Variants in PCYT1B observed in about 807,000 individuals in gnomAD.
PCYT1B encodes the protein phosphate cytidylyltransferase 1B, choline, also known as choline-phosphate cytidylyltransferase B.
A neutral mutation model predicts 26.4 loss-of-function variants in PCYT1B; 10 were observed. That is an observed-to-expected ratio of 0.38 (90% CI 0.23 to 0.64). The LOEUF (loss-of-function observed/expected upper bound fraction) is 0.64. PCYT1B is among the 30% of genes least tolerant of loss of function. The pLI, the probability that PCYT1B is intolerant of heterozygous loss-of-function variation, is 0.56. For synonymous variants in PCYT1B, 131 were observed against 108.4 expected, an observed-to-expected ratio of 1.21 and a Z score of -1.29; for missense variants, 161 against 292.7, an observed-to-expected ratio of 0.55 and a Z score of 3.28.
At chrX:24,666,085 G>T (rs759648255) in intron 1 of PCYT1B, among the ~76,000 whole-genome samples, 1 of 111,018 alleles carries the variant, frequency 9.0e-6, no homozygotes, top group African/African-American at 3.3e-5. Flanking sequence ...CAATTTAGAC[G>T]CTAGGGTCAA....
chrX:24,599,662 T>C (rs1302709310), intron 3 of PCYT1B, among the ~76,000 whole-genome samples: 1 of 111,847 alleles, frequency 8.9e-6, no homozygotes, highest in East Asian at 2.8e-4. Flanking sequence ...AGAAGTATGA[T>C]ACAGTGATCA....
At chrX:24,588,877 A>G (rs1264221002) in intron 4 of PCYT1B, among the ~76,000 whole-genome samples, 1 of 111,402 alleles carries the variant, frequency 9.0e-6, no homozygotes, top group African/African-American at 3.3e-5. Flanking sequence ...ATTAGTACGG[A>G]GTATATCCTC....
chrX:24,654,698 C>T (rs1409664745), intron 1 of PCYT1B, among the ~76,000 whole-genome samples: 1 of 88,515 alleles, frequency 1.1e-5, no homozygotes, highest in Non-Finnish European at 2.1e-5. Context: ...TGCAGTGAGC[C>T]GAGATTGCGC....
chrX:24,568,778 T>C (rs921697984), intron 7 of PCYT1B, among the ~76,000 whole-genome samples: 1 of 111,162 alleles, frequency 9.0e-6, no homozygotes, highest in Admixed American at 9.6e-5. Context: ...TTATTCACAT[T>C]TTACTTGTAC....
chrX:24,626,944 T>G (rs1279753776), intron 1 of PCYT1B, among the ~76,000 whole-genome samples: 1 of 111,696 alleles, frequency 9.0e-6, no homozygotes, highest in African/African-American at 3.3e-5. Context: ...ATAAAACATG[T>G]AGTATTTTAG....
intron 3 of PCYT1B, among the ~76,000 whole-genome samples, chrX:24,594,923 G>A (rs895847073): frequency 2.7e-5 from 3 of 111,306 alleles, no homozygotes; most frequent in Non-Finnish European, 3.8e-5. Flanking sequence ...TGCTATTACC[G>A]GAAAAGTTAC....
At position 24,558,777 on chromosome X, in the gene PCYT1B, T is replaced by A. The variant is rs1486875361; in HGVS notation, c.*3516A>T. On this transcript the variant is annotated 3_prime_UTR_variant, in exon 8 of 8. Transcript: ENST00000379144. ...GGTAAGGTCCTGACACACAGGAGCA[T>A]GCTTGCCAGAAGCAAGTCGTTCAGT... 9.1e-6 allele frequency: 1 copy of A among 109,865 alleles called. No homozygotes were observed. The highest frequency in any genetic ancestry group is 3.3e-5 in the African/African-American group (1 of 30,187). The allele number at this position is 109,865 out of a possible 1,213,427, so 9.1% of individuals were successfully genotyped here.
chrX:24,666,957 C>T (rs1927140586), intron 1 of PCYT1B, among the ~76,000 whole-genome samples: 1 of 109,646 alleles, frequency 9.1e-6, no homozygotes, highest in Admixed American at 1.0e-4. Flanking sequence ...CAAGTCTAGC[C>T]TCTCACTCCA....
intron 1 of PCYT1B, among the ~76,000 whole-genome samples, chrX:24,668,439 G>A (rs1927171518): frequency 1.8e-5 from 2 of 111,417 alleles, no homozygotes; most frequent in South Asian, 7.6e-4. Context: ...AAATGTATTC[G>A]CTGTAGAAAA....
intron 3 of PCYT1B, among the ~76,000 whole-genome samples, chrX:24,599,448 A>G (rs1265497350): frequency 8.9e-6 from 1 of 112,072 alleles, no homozygotes; most frequent in African/African-American, 3.2e-5. Context: ...AAAAATAGGG[A>G]TAAAATTGAT....
chrX:24,667,218 G>A (rs757975439), intron 1 of PCYT1B, among the ~76,000 whole-genome samples: 88 of 110,738 alleles, frequency 7.9e-4, no homozygotes, highest in Non-Finnish European at 1.3e-3. Context: ...TATCAGCAGA[G>A]CAGCCTATGG....
intron 1 of PCYT1B, among the ~76,000 whole-genome samples, chrX:24,668,692 G>A (rs1191281481): frequency 9.3e-6 from 1 of 107,880 alleles, no homozygotes; most frequent in Non-Finnish European, 1.9e-5. Context: ...AAGGCAAGGA[G>A]GAAGGTTCCT....
chrX:24,579,212 A>AGT, intron 6 of PCYT1B, 104 bp downstream of exon 6: 1 of 646,319 alleles, frequency 1.5e-6, no homozygotes, highest in Non-Finnish European at 2.3e-6. Flanking sequence ...AGAGAGAGAG[A>AGT]GGGAGAACAC....
chrX:24,653,287 C>T (rs1327517388), intron 1 of PCYT1B, among the ~76,000 whole-genome samples: 1 of 111,166 alleles, frequency 9.0e-6, no homozygotes, highest in East Asian at 2.8e-4. Flanking sequence ...ATGACTATGA[C>T]GTTACCATAG....
In PCYT1B at chrX:24,560,340, A is replaced by C. The variant is rs1436557471; in HGVS notation, c.*1953T>G. 1 of 111,812 alleles carries C rather than the reference A, an allele frequency of 8.9e-6. No homozygotes were observed. The highest frequency in any genetic ancestry group is 1.9e-5 in the Non-Finnish European group (1 of 53,133). 9.2% of individuals were successfully genotyped at this position (111,812 alleles called of 1,213,427 possible). Reference sequence around the variant, plus strand: ...TCATCCTTCACTGCTACAAGTGCCAACTAACTCAAATGGTAGGCAGACTTG... The same window carrying C: ...TCATCCTTCACTGCTACAAGTGCCACCTAACTCAAATGGTAGGCAGACTTG... On this transcript the variant is annotated 3_prime_UTR_variant, in exon 8 of 8. Transcript: ENST00000379144.
At chrX:24,666,632 TGTGTGA>T (rs1345056751) in intron 1 of PCYT1B, among the ~76,000 whole-genome samples, 15 of 109,722 alleles carry the variant, frequency 1.4e-4, no homozygotes, top group African/African-American at 3.7e-4. Flanking sequence ...TGTGTGTGTG[TGTGTGA>T]GAGCGAGAGA....
intron 1 of PCYT1B, among the ~76,000 whole-genome samples, chrX:24,619,622 A>G (rs1017061909): frequency 4.5e-5 from 5 of 111,937 alleles, no homozygotes; most frequent in African/African-American, 1.6e-4. Flanking sequence ...CATCTCCTAT[A>G]TTTCACACAC....
intron 3 of PCYT1B, among the ~76,000 whole-genome samples, chrX:24,592,328 C>G (rs906000991): frequency 1.8e-5 from 2 of 111,515 alleles, no homozygotes; most frequent in Non-Finnish European, 3.8e-5. Context: ...TGAATGATGA[C>G]CCACACCCAG....
intron 7 of PCYT1B, among the ~76,000 whole-genome samples, chrX:24,563,898 A>C (rs753096751): frequency 9.0e-5 from 10 of 111,568 alleles, no homozygotes; most frequent in Non-Finnish European, 1.3e-4. Context: ...ATAAGAATCC[A>C]AGGCCAGGCG....
Sources: allele counts gnomAD v4.1 joint callset (sites outside exome capture counted in the v4.1 genomes callset), GRCh38; gene constraint gnomAD v4.1.1; transcripts MANE v1.5; gene names NCBI Gene and HGNC (gene_info 2026-07-23, HGNC 2026-07-21).